EFCAB11: variants seen among roughly 807,000 people sequenced by gnomAD.
EFCAB11 encodes EF-hand calcium binding domain 11.
In EFCAB11, 14 loss-of-function variants were observed where a neutral mutation model predicts 23.0. The ratio of observed to expected loss-of-function variants is 0.61; its 90% CI spans 0.40 to 0.95. EFCAB11 has a LOEUF of 0.95. Ranked by LOEUF, EFCAB11 falls within the 40% of genes least tolerant of loss-of-function variation. The pLI, the probability that EFCAB11 is intolerant of heterozygous loss-of-function variation, is 0.00. For missense variants in EFCAB11, 198 were observed against 195.8 expected (o/e 1.01, Z -0.07); for synonymous variants, 65 against 66.6 (o/e 0.98, Z 0.11).
chr14:89,907,934 T>C (rs935407846), intron 5 of EFCAB11, among the ~76,000 whole-genome samples: 34 of 152,298 alleles, frequency 2.2e-4, no homozygotes, highest in African/African-American at 7.9e-4. Flanking sequence ...GCGGATCAAA[T>C]GAGTTAAGGC....
At chr14:89,952,086 A>G (rs1010187606) in intron 2 of EFCAB11, among the ~76,000 whole-genome samples, 4 of 152,244 alleles carry the variant, frequency 2.6e-5, no homozygotes, top group Admixed American at 1.3e-4. Flanking sequence ...GTCTAAAAAA[A>G]TCTGTTGAAT....
chr14:89,875,534 T>C (rs1028602157), intron 5 of EFCAB11, among the ~76,000 whole-genome samples: 1 of 152,116 alleles, frequency 6.6e-6, no homozygotes, highest in East Asian at 1.9e-4. Flanking sequence ...TGGTGACCAG[T>C]TGGTTATAAG....
At chr14:89,816,319 G>A (rs569679433) in intron 5 of EFCAB11, among the ~76,000 whole-genome samples, 11 of 152,110 alleles carry the variant, frequency 7.2e-5, no homozygotes, top group African/African-American at 2.4e-4. Context: ...TATGTTGTCA[G>A]CAAACAAGGA....
intron 3 of EFCAB11, among the ~76,000 whole-genome samples, chr14:89,940,309 C>T (rs10148012): frequency 0.88 from 133,310 of 152,268 alleles, 58,731 homozygotes; most frequent in East Asian, 1. Flanking sequence ...CTGCTATACC[C>T]TGATCTTTGT....
intron 5 of EFCAB11, among the ~76,000 whole-genome samples, chr14:89,831,708 T>C (rs1322900490): frequency 6.6e-6 from 1 of 152,176 alleles, no homozygotes; most frequent in Non-Finnish European, 1.5e-5. Context: ...ATTTCTATAT[T>C]GTTAGAAGTT....
Position 89,924,382 on chromosome 14 carries a change from C to A in EFCAB11, c.410+7159G>T, listed in dbSNP as rs1890121341. 1.8e-5 allele frequency: 22 copies of A among 1,189,372 alleles called. No individual in the cohort carries two copies. In the South Asian group the frequency reaches 4.8e-4, roughly 26 times the overall value. The allele number at this position is 1,189,372 out of a possible 1,614,324, so 73.7% of individuals were successfully genotyped here. ...GGCAATCTGCCTGTGCACTCAGGAT[C>A]TTGGACGCTGGGTCAGGGCATGGAC... On this transcript the variant is annotated intron_variant, in intron 5 of 5. Coordinates refer to ENST00000316738, the MANE Select transcript of EFCAB11 (RefSeq NM_145231.4).
intron 5 of EFCAB11, among the ~76,000 whole-genome samples, chr14:89,859,253 G>T (rs1183865398): frequency 6.6e-6 from 1 of 152,148 alleles, no homozygotes; most frequent in African/African-American, 2.4e-5. Flanking sequence ...AAGGTCCAAG[G>T]TTTTAGATCT....
chr14:89,867,993 G>A (rs1888149936), intron 5 of EFCAB11, among the ~76,000 whole-genome samples: 5 of 152,184 alleles, frequency 3.3e-5, no homozygotes, highest in Admixed American at 3.3e-4. Context: ...GATTAACGAT[G>A]CCTCATGGGC....
intron 5 of EFCAB11, among the ~76,000 whole-genome samples, chr14:89,803,651 C>G (rs1385028854): frequency 6.6e-6 from 1 of 152,204 alleles, no homozygotes; most frequent in Non-Finnish European, 1.5e-5. Flanking sequence ...GTCAAAACTG[C>G]CACTACATTA....
intron 2 of EFCAB11, among the ~76,000 whole-genome samples, chr14:89,953,520 T>A (rs991686301): frequency 6.6e-6 from 1 of 152,222 alleles, no homozygotes; most frequent in Non-Finnish European, 1.5e-5. Context: ...TGCACTGTTT[T>A]AATTTTTTGA....
intron 2 of EFCAB11, among the ~76,000 whole-genome samples, chr14:89,951,061 A>G (rs1390961988): frequency 6.6e-6 from 1 of 151,432 alleles, no homozygotes; most frequent in Non-Finnish European, 1.5e-5. Flanking sequence ...CCTCCACCCA[A>G]TTTCAGATTG....
At chr14:89,852,167 A>G (rs1251291098) in intron 5 of EFCAB11, among the ~76,000 whole-genome samples, 1 of 152,256 alleles carries the variant, frequency 6.6e-6, no homozygotes, top group Non-Finnish European at 1.5e-5. Flanking sequence ...GACAACTGTC[A>G]TATGCAAAGA....
At position 89,810,207 on chromosome 14, in the gene EFCAB11, GC is replaced by G. The variant is rs1398756381; in HGVS notation, c.411-12884del. On this transcript the variant is annotated intron_variant, in intron 5 of 5. Transcript: ENST00000316738. ...ACACAGTGGTGTTCAATAAGTATCG[GC>G]TGAACATACGAGCATGTGAGTGGGA... Among the ~76,000 whole-genome samples, 12 of 152,166 alleles carry G rather than the reference GC, an allele frequency of 7.9e-5. No individual in the cohort carries two copies. The South Asian group carries it at 2.5e-3, about 32-fold the overall frequency.
intron 5 of EFCAB11, among the ~76,000 whole-genome samples, chr14:89,885,777 A>G (rs372172471): frequency 7.8e-4 from 97 of 124,086 alleles, no homozygotes; most frequent in African/African-American, 2.5e-3. Flanking sequence ...GAAAGAAAGA[A>G]AGAGAGAAAG....
intron 5 of EFCAB11, among the ~76,000 whole-genome samples, chr14:89,841,294 A>G (rs1204555357): frequency 6.6e-6 from 1 of 151,862 alleles, no homozygotes; most frequent in South Asian, 2.1e-4. Flanking sequence ...CCCCATTCTA[A>G]CAATTTCCCC....
intron 5 of EFCAB11, among the ~76,000 whole-genome samples, chr14:89,901,752 A>C (rs1164644023): frequency 6.6e-6 from 1 of 152,210 alleles, no homozygotes; most frequent in Non-Finnish European, 1.5e-5. Context: ...GATATGACAT[A>C]ATGGAATGTA....
chr14:89,922,329 T>A (rs1465832430), intron 5 of EFCAB11, among the ~76,000 whole-genome samples: 2 of 152,224 alleles, frequency 1.3e-5, no homozygotes, highest in African/African-American at 4.8e-5. Context: ...TGTGGTGGAT[T>A]CTGAATAATA....
intron 5 of EFCAB11, among the ~76,000 whole-genome samples, chr14:89,865,802 T>A (rs1241820885): frequency 6.7e-6 from 1 of 149,760 alleles, no homozygotes; most frequent in Non-Finnish European, 1.5e-5. Context: ...GTTGGTGGGA[T>A]TACAGGCGCC....
At chr14:89,822,487 C>T (rs901355205) in intron 5 of EFCAB11, among the ~76,000 whole-genome samples, 3 of 152,146 alleles carry the variant, frequency 2.0e-5, no homozygotes, top group Non-Finnish European at 2.9e-5. Context: ...TGGATTGGTC[C>T]TCCCACCCCA....
Sources: allele counts gnomAD v4.1 joint callset (sites outside exome capture counted in the v4.1 genomes callset), GRCh38; gene constraint gnomAD v4.1.1; transcripts MANE v1.5; gene names NCBI Gene and HGNC (gene_info 2026-07-23, HGNC 2026-07-21).